FBXL17: variants seen among roughly 807,000 people sequenced by gnomAD.
The protein encoded by FBXL17 is F-box/LRR-repeat protein 17.
FBXL17 carries 22 observed loss-of-function variants against 66.2 expected under a neutral mutation model. That is an observed-to-expected ratio of 0.33 (90% CI 0.24 to 0.47). The LOEUF is 0.47. FBXL17 is among the 20% of genes least tolerant of loss of function. FBXL17 has a pLI of 1.00. For synonymous variants in FBXL17, 474 were observed against 400.5 expected, an observed-to-expected ratio of 1.18 and a Z score of -2.19; for missense variants, 878 against 948.2, an observed-to-expected ratio of 0.93 and a Z score of 0.97.
chr5:107,974,565 C>A (rs544768283), intron 7 of FBXL17, among the ~76,000 whole-genome samples: 4 of 152,144 alleles, frequency 2.6e-5, no homozygotes. Flanking sequence ...AAATAACACA[C>A]CTAGAGACAA....
chr5:108,347,653 T>G (rs1747370299), intron 4 of FBXL17, among the ~76,000 whole-genome samples: 1 of 152,184 alleles, frequency 6.6e-6, no homozygotes, highest in Non-Finnish European at 1.5e-5. Context: ...GAAAGTAGAT[T>G]AGCAGTTGCC....
intron 6 of FBXL17, among the ~76,000 whole-genome samples, chr5:108,069,758 A>G (rs1272032107): frequency 6.6e-6 from 1 of 152,216 alleles, no homozygotes; most frequent in Non-Finnish European, 1.5e-5. Context: ...GGAGGAAGAA[A>G]TAAGAGCTGA....
intron 7 of FBXL17, among the ~76,000 whole-genome samples, chr5:107,982,115 G>A (rs1219769740): frequency 2.0e-5 from 3 of 152,050 alleles, no homozygotes; most frequent in African/African-American, 7.2e-5. Flanking sequence ...TTAAAAAAGA[G>A]GCAAAGATGA....
chr5:108,184,532 C>T (rs1753146498), intron 6 of FBXL17, among the ~76,000 whole-genome samples: 1 of 151,858 alleles, frequency 6.6e-6, no homozygotes, highest in Non-Finnish European at 1.5e-5. Flanking sequence ...TGGTCTGGAT[C>T]TCCTGACCTC....
intron 8 of FBXL17, among the ~76,000 whole-genome samples, chr5:107,866,864 T>C (rs1748290167): frequency 6.6e-6 from 1 of 152,176 alleles, no homozygotes; most frequent in South Asian, 2.1e-4. Flanking sequence ...GTCATCTCTT[T>C]GTTGTTAGTC....
intron 7 of FBXL17, among the ~76,000 whole-genome samples, chr5:107,890,348 G>C (rs1256695251): frequency 6.6e-6 from 1 of 150,910 alleles, no homozygotes; most frequent in Non-Finnish European, 1.5e-5. Context: ...TTTTAAGCTG[G>C]TCTCAGATTA....
intron 6 of FBXL17, among the ~76,000 whole-genome samples, chr5:108,049,000 G>T (rs573304099): frequency 6.6e-6 from 1 of 152,112 alleles, no homozygotes; most frequent in Non-Finnish European, 1.5e-5. Context: ...ATAATCATCA[G>T]ATTCTCCAAG....
chr5:108,238,943 C>A (rs999347654), intron 4 of FBXL17, among the ~76,000 whole-genome samples: 3 of 152,052 alleles, frequency 2.0e-5, no homozygotes, highest in Admixed American at 2.0e-4. Flanking sequence ...AATTATATGA[C>A]TGATATCATT....
intron 4 of FBXL17, among the ~76,000 whole-genome samples, chr5:108,272,318 A>T (rs186161871): frequency 3.5e-4 from 53 of 151,870 alleles, no homozygotes; most frequent in African/African-American, 1.2e-3. Flanking sequence ...AATAAAAATT[A>T]AAAAATAAAG....
intron 3 of FBXL17, among the ~76,000 whole-genome samples, chr5:108,356,785 A>G (rs1240320629): frequency 1.3e-5 from 2 of 152,096 alleles, no homozygotes; most frequent in East Asian, 3.8e-4. Flanking sequence ...CATAGAATGT[A>G]CAATACCAAG....
At chr5:108,337,109 A>G (rs1001786128) in intron 4 of FBXL17, among the ~76,000 whole-genome samples, 1 of 152,032 alleles carries the variant, frequency 6.6e-6, no homozygotes, top group African/African-American at 2.4e-5. Context: ...TACAAAAATT[A>G]GCTGGGCGTG....
At chr5:108,237,298 C>T (rs776749074) in intron 4 of FBXL17, among the ~76,000 whole-genome samples, 1 of 152,208 alleles carries the variant, frequency 6.6e-6, no homozygotes, top group Non-Finnish European at 1.5e-5. Context: ...GGTACAGTCT[C>T]TGCCTCCAAG....
intron 7 of FBXL17, among the ~76,000 whole-genome samples, chr5:107,962,742 A>T (rs970437617): frequency 3.3e-5 from 5 of 151,676 alleles, no homozygotes; most frequent in African/African-American, 9.7e-5. Flanking sequence ...CTATAAGCTA[A>T]TTTTTTTTCA....
At chr5:108,015,665 G>T (rs1754355119) in intron 7 of FBXL17, among the ~76,000 whole-genome samples, 1 of 152,166 alleles carries the variant, frequency 6.6e-6, no homozygotes. Context: ...GGATACCGGG[G>T]TAACCCAGAA....
At chr5:107,864,103 T>C (rs1748208698) in intron 8 of FBXL17, among the ~76,000 whole-genome samples, 1 of 152,232 alleles carries the variant, frequency 6.6e-6, no homozygotes, top group African/African-American at 2.4e-5. Context: ...TAAAAGTACA[T>C]ATCATAGGAC....
At chr5:108,276,533 T>G (rs1251681321) in intron 4 of FBXL17, among the ~76,000 whole-genome samples, 1 of 152,132 alleles carries the variant, frequency 6.6e-6, no homozygotes, top group Non-Finnish European at 1.5e-5. Flanking sequence ...TATAAAACAC[T>G]GCAATCTACC....
intron 6 of FBXL17, among the ~76,000 whole-genome samples, chr5:108,098,531 G>A (rs1019226054): frequency 2.0e-5 from 3 of 152,042 alleles, no homozygotes; most frequent in Non-Finnish European, 4.4e-5. Flanking sequence ...GGATCACGAG[G>A]TCAGGAGATC....
intron 8 of FBXL17, among the ~76,000 whole-genome samples, chr5:107,864,914 A>T (rs758800810): frequency 1.3e-5 from 2 of 152,152 alleles, no homozygotes; most frequent in African/African-American, 2.4e-5. Flanking sequence ...CTTTTTTTTA[A>T]CAGATGTTCC....
chr5:108,143,007 A>C (rs1345865975), intron 6 of FBXL17, among the ~76,000 whole-genome samples: 1 of 73,502 alleles, frequency 1.4e-5, no homozygotes, highest in African/African-American at 4.1e-5. Context: ...ATAATAAAAG[A>C]TTCTCACAGG....
Sources: gnomAD v4.1 joint callset for allele counts (sites outside exome capture counted in the v4.1 genomes callset) on GRCh38, gnomAD v4.1.1 for gene constraint, MANE v1.5 for transcripts, NCBI Gene and HGNC (gene_info 2026-07-23, HGNC 2026-07-21) for gene names.